STPG2: variants seen among roughly 807,000 people sequenced by gnomAD.
STPG2 encodes the protein sperm tail PG-rich repeat containing 2, also known as sperm-tail PG-rich repeat-containing protein 2.
STPG2 carries 56 observed loss-of-function variants against 54.2 expected under a neutral mutation model. The ratio of observed to expected loss-of-function variants is 1.03; its 90% CI spans 0.83 to 1.29. The LOEUF is 1.29. Among genes scored for constraint, STPG2 ranks in the 50% most tolerant of loss-of-function variants. STPG2 has a pLI of 0.00. For synonymous variants in STPG2, 200 were observed against 181.8 expected (o/e 1.10, Z -0.81); for missense variants, 596 against 544.9 (o/e 1.09, Z -0.93).
chr4:97,742,611 C>A (rs1043951899), intron 9 of STPG2, among the ~76,000 whole-genome samples: 4 of 143,208 alleles, frequency 2.8e-5, no homozygotes, highest in Admixed American at 2.2e-4. Context: ...AAGATCTTAC[C>A]TTTTGCAACA....
chr4:97,593,745 G>A (rs1463161877), intron 10 of STPG2, among the ~76,000 whole-genome samples: 1 of 152,170 alleles, frequency 6.6e-6, no homozygotes, highest in African/African-American at 2.4e-5. Context: ...ACTTTAGCGA[G>A]CACTACACAT....
chr4:97,820,317 A>G (rs547525827), intron 9 of STPG2, among the ~76,000 whole-genome samples: 36 of 152,242 alleles, frequency 2.4e-4, no homozygotes, highest in South Asian at 2.1e-4. Context: ...TCCATAAGAC[A>G]TAACAGTGCT....
intron 4 of STPG2, among the ~76,000 whole-genome samples, chr4:97,478,826 G>A (rs1457850217): frequency 6.7e-6 from 1 of 149,970 alleles, no homozygotes; most frequent in Non-Finnish European, 1.5e-5. Flanking sequence ...TGATTTACAA[G>A]TATCCCAATG....
chr4:97,446,868 G>C (rs2148794728), intron 4 of STPG2, among the ~76,000 whole-genome samples: 1 of 152,264 alleles, frequency 6.6e-6, no homozygotes, highest in South Asian at 2.1e-4. Context: ...CTTCATAGCA[G>C]CATGAGACTG....
intron 9 of STPG2, among the ~76,000 whole-genome samples, chr4:97,803,922 C>G (rs376669751): frequency 1.0e-3 from 158 of 152,244 alleles, no homozygotes; most frequent in African/African-American, 3.7e-3. Context: ...TGGGCAAGAG[C>G]AAATCACAGT....
chr4:97,557,167 G>A (rs147200202), downstream of STPG2, among the ~76,000 whole-genome samples: 634 of 151,608 alleles, frequency 4.2e-3, 3 homozygotes, highest in South Asian at 0.02. Context: ...GTGATACAGC[G>A]AGACTCCATC....
intron 8 of STPG2, among the ~76,000 whole-genome samples, chr4:97,843,866 T>C (rs1369948282): frequency 1.3e-5 from 2 of 151,862 alleles, no homozygotes; most frequent in African/African-American, 4.8e-5. Context: ...CACTTAAAAC[T>C]CAAGCCTGAC....
chr4:97,946,483 G>A (rs1355305363), intron 7 of STPG2, among the ~76,000 whole-genome samples: 1 of 152,114 alleles, frequency 6.6e-6, no homozygotes, highest in Non-Finnish European at 1.5e-5. Context: ...CCAATGTCCA[G>A]AAGAGTTTTT....
At chr4:98,121,355 A>G (rs1167455700) in intron 3 of STPG2, among the ~76,000 whole-genome samples, 2 of 141,686 alleles carry the variant, frequency 1.4e-5, no homozygotes, top group Admixed American at 1.4e-4. Context: ...TTTGCTTAGG[A>G]TTGTCTTGGC....
rs115053780 is a variant in STPG2, at chr4:97,933,855, T to C, written c.1044+10042A>G. ...TGTCTTGGCTGTACGGGCTCTCTTT[T>C]TTGTTCAATATGAAGTTTAAAGTAG... On this transcript the variant is annotated intron_variant, in intron 8 of 10. Transcript: ENST00000295268. Among the ~76,000 whole-genome samples, 684 of 152,314 alleles carry C rather than the reference T, an allele frequency of 4.5e-3. 5 individuals are homozygous for C. Among genetic ancestry groups the C allele is most frequent in the African/African-American group, 0.016 (655 of 41,574 alleles).
intron 10 of STPG2, among the ~76,000 whole-genome samples, chr4:97,569,986 T>G (rs1325252182): frequency 6.6e-6 from 1 of 152,030 alleles, no homozygotes; most frequent in African/African-American, 2.4e-5. Flanking sequence ...TATATATTAC[T>G]CCAACAAAAA....
At chr4:97,874,468 T>G (rs1309143798) in intron 8 of STPG2, among the ~76,000 whole-genome samples, 1 of 151,658 alleles carries the variant, frequency 6.6e-6, no homozygotes, top group African/African-American at 2.4e-5. Context: ...CAATAAAAAT[T>G]TTCACCCCTT....
chr4:97,819,281 C>T (rs1728011484), intron 9 of STPG2, among the ~76,000 whole-genome samples: 1 of 151,908 alleles, frequency 6.6e-6, no homozygotes, highest in Non-Finnish European at 1.5e-5. Context: ...CTTTCTAGTA[C>T]TTCTGAAGCT....
chr4:98,050,181 A>G (rs1737273162), intron 5 of STPG2, among the ~76,000 whole-genome samples: 1 of 152,156 alleles, frequency 6.6e-6, no homozygotes, highest in Non-Finnish European at 1.5e-5. Context: ...CAAAGAAGCT[A>G]GCTGAGGATA....
chr4:97,990,604 C>G, intron 5 of STPG2, among the ~76,000 whole-genome samples: 1 of 152,090 alleles, frequency 6.6e-6, no homozygotes, highest in East Asian at 1.9e-4. Flanking sequence ...GATTCTCAAG[C>G]ACAGTAAAGA....
chr4:98,116,307 A>G (rs1198617741), intron 3 of STPG2, among the ~76,000 whole-genome samples: 1 of 151,902 alleles, frequency 6.6e-6, no homozygotes, highest in Admixed American at 6.6e-5. Flanking sequence ...GTTATGAGTG[A>G]TTAGGGAATT....
intron 7 of STPG2, among the ~76,000 whole-genome samples, chr4:97,968,342 C>T (rs1007732799): frequency 4.6e-5 from 7 of 152,192 alleles, no homozygotes; most frequent in African/African-American, 1.2e-4. Flanking sequence ...GATTCACAGC[C>T]GAATTCTACC....
chr4:97,893,834 G>T (rs991588548), intron 8 of STPG2, among the ~76,000 whole-genome samples: 1 of 151,990 alleles, frequency 6.6e-6, no homozygotes, highest in African/African-American at 2.4e-5. Flanking sequence ...GAGGGAGACA[G>T]GTGGCAATCT....
At chr4:97,787,350 G>A (rs1726858644) in intron 9 of STPG2, among the ~76,000 whole-genome samples, 1 of 152,010 alleles carries the variant, frequency 6.6e-6, no homozygotes, top group Admixed American at 6.6e-5. Context: ...AATCAGAGTT[G>A]AATTCTGTTA....
Sources: allele counts gnomAD v4.1 joint callset (sites outside exome capture counted in the v4.1 genomes callset), GRCh38; gene constraint gnomAD v4.1.1; transcripts MANE v1.5; gene names NCBI Gene and HGNC (gene_info 2026-07-23, HGNC 2026-07-21).